The following ST3GAL3 variants were observed in gnomAD, a reference collection of about 807,000 sequenced individuals.
ST3GAL3 encodes CMP-N-acetylneuraminate-beta-1,4-galactoside alpha-2,3-sialyltransferase.
Under a neutral mutation model 50.1 loss-of-function variants are expected in ST3GAL3, and 21 were observed. That is an observed-to-expected ratio of 0.42 (90% confidence interval 0.30 to 0.60). The LOEUF is 0.60. Among genes scored for constraint, ST3GAL3 ranks in the 20% least tolerant of loss-of-function variants. The probability of loss-of-function intolerance (pLI) is 0.19; values close to 1 mark genes in which losing one functional copy is unlikely to be tolerated. For synonymous variants in ST3GAL3, 183 were observed against 190.0 expected, an observed-to-expected ratio of 0.96 and a Z score of 0.30; for missense variants, 353 against 489.4, an observed-to-expected ratio of 0.72 and a Z score of 2.63.
chr1:43,893,056 G>A (rs1382259443), intron 5 of ST3GAL3, among the ~76,000 whole-genome samples: 1 of 152,226 alleles, frequency 6.6e-6, no homozygotes, highest in Non-Finnish European at 1.5e-5. Context: ...CCTAGCAAGA[G>A]TGATGGGGGA....
chr1:43,892,741 A>C (rs2076850246), intron 5 of ST3GAL3, among the ~76,000 whole-genome samples: 1 of 152,336 alleles, frequency 6.6e-6, no homozygotes, highest in Admixed American at 6.5e-5. Flanking sequence ...ATTGGAAAGC[A>C]GATAAAATCC....
intron 5 of ST3GAL3, among the ~76,000 whole-genome samples, chr1:43,874,764 C>T (rs556755011): frequency 6.6e-6 from 1 of 152,278 alleles, no homozygotes; most frequent in East Asian, 1.9e-4. Flanking sequence ...TGTAAACATT[C>T]TGTTCTGTTT....
intron 2 of ST3GAL3, among the ~76,000 whole-genome samples, chr1:43,787,463 GCAAAATTCATCAAAA>G (rs2154147953): frequency 1.3e-5 from 2 of 152,276 alleles, no homozygotes; most frequent in East Asian, 1.9e-4. Flanking sequence ...TGAAGTCAAA[GCAAAATTCATCAAAA>G]CAAAATTCAT....
intron 2 of ST3GAL3, among the ~76,000 whole-genome samples, chr1:43,753,863 ACC>A: frequency 6.6e-6 from 1 of 151,910 alleles, no homozygotes; most frequent in Admixed American, 6.6e-5. Flanking sequence ...GCTCAGGCAC[ACC>A]CTCCTGCTGG....
At chr1:43,860,015 C>T (rs2069517013) in intron 5 of ST3GAL3, among the ~76,000 whole-genome samples, 1 of 152,204 alleles carries the variant, frequency 6.6e-6, no homozygotes. Flanking sequence ...CCCTTCTCTT[C>T]CTGCCCTGTG....
intron 9 of ST3GAL3, among the ~76,000 whole-genome samples, chr1:43,918,071 G>A (rs1187030265): frequency 1.3e-5 from 2 of 148,832 alleles, no homozygotes; most frequent in East Asian, 2.0e-4. Context: ...TTGCATTAAT[G>A]TATAGATAAT....
intron 11 of ST3GAL3, chr1:43,929,888 T>C: frequency 3.4e-6 from 2 of 586,476 alleles, no homozygotes; most frequent in African/African-American, 1.8e-5. Context: ...ACGGTTTTCC[T>C]GGGACGAGGA....
At chr1:43,813,515 C>T (rs1171582545) in intron 3 of ST3GAL3, among the ~76,000 whole-genome samples, 1 of 152,182 alleles carries the variant, frequency 6.6e-6, no homozygotes, top group Non-Finnish European at 1.5e-5. Context: ...CTTTCACTTG[C>T]TCAAGGCCAT....
intron 5 of ST3GAL3, among the ~76,000 whole-genome samples, chr1:43,848,236 T>C (rs1254794456): frequency 6.6e-6 from 1 of 152,010 alleles, no homozygotes; most frequent in African/African-American, 2.4e-5. Context: ...CTGTTGAGAT[T>C]TTTCTCTTTA....
intron 9 of ST3GAL3, among the ~76,000 whole-genome samples, chr1:43,917,535 ATATAT>A (rs1229065293): frequency 6.8e-5 from 6 of 87,658 alleles, no homozygotes; most frequent in East Asian, 5.5e-4. Context: ...ATATTATATA[ATATAT>A]TATGTATTAT....
At chr1:43,747,030 T>C (rs1264453438) in intron 2 of ST3GAL3, among the ~76,000 whole-genome samples, 1 of 151,416 alleles carries the variant, frequency 6.6e-6, no homozygotes, top group Non-Finnish European at 1.5e-5. Context: ...CCTCCCGAAG[T>C]GCGAGGATTA....
At chr1:43,900,780 T>C (rs2078161141) in intron 9 of ST3GAL3, 1 of 152,332 alleles carries the variant, frequency 6.6e-6, no homozygotes, top group Non-Finnish European at 1.5e-5. Context: ...GTACAGGCAG[T>C]GTCAAGTAGG....
intron 5 of ST3GAL3, among the ~76,000 whole-genome samples, chr1:43,849,114 T>G (rs2154210903): frequency 6.6e-6 from 1 of 152,318 alleles, no homozygotes; most frequent in East Asian, 1.9e-4. Flanking sequence ...TGTACCCACA[T>G]AGTAGTTGAT....
At chr1:43,788,894 CA>C (rs1229877836) in intron 2 of ST3GAL3, among the ~76,000 whole-genome samples, 1 of 146,524 alleles carries the variant, frequency 6.8e-6, no homozygotes, top group East Asian at 2.0e-4. Flanking sequence ...GAGAGGTCTT[CA>C]AGAAGAAGGG....
chr1:43,928,142 T>A (rs967077224), intron 11 of ST3GAL3, among the ~76,000 whole-genome samples: 8 of 152,210 alleles, frequency 5.3e-5, no homozygotes, highest in Admixed American at 3.9e-4. Context: ...AAGTTCTTTG[T>A]AAAAAATTCA....
intron 5 of ST3GAL3, among the ~76,000 whole-genome samples, chr1:43,878,704 G>C (rs752578867): frequency 6.6e-6 from 1 of 152,194 alleles, no homozygotes; most frequent in Non-Finnish European, 1.5e-5. Flanking sequence ...CCTTTACTCT[G>C]AGATAGGAAG....
At chr1:43,817,698 C>A (rs1195739332) in intron 4 of ST3GAL3, among the ~76,000 whole-genome samples, 1 of 143,842 alleles carries the variant, frequency 7.0e-6, no homozygotes, top group Non-Finnish European at 1.5e-5. Flanking sequence ...TCTTCTTCTC[C>A]TTCTTCCTTC....
intron 5 of ST3GAL3, among the ~76,000 whole-genome samples, chr1:43,847,878 G>A (rs138595702): frequency 1.4e-3 from 209 of 152,078 alleles, no homozygotes; most frequent in African/African-American, 4.9e-3. Flanking sequence ...TTTACTGTTG[G>A]TCTTTCTTCC....
chr1:43,878,222 C>T (rs2074453278), intron 5 of ST3GAL3, among the ~76,000 whole-genome samples: 2 of 152,208 alleles, frequency 1.3e-5, no homozygotes, highest in South Asian at 4.1e-4. Context: ...CTCTCCACCT[C>T]TCTCCTCTAA....
Sources: gnomAD v4.1 joint callset for allele counts (sites outside exome capture counted in the v4.1 genomes callset) on GRCh38, gnomAD v4.1.1 for gene constraint, MANE v1.5 for transcripts, NCBI Gene and HGNC (gene_info 2026-07-23, HGNC 2026-07-21) for gene names.